The following DPP10 variants were observed in gnomAD, a reference collection of about 807,000 sequenced individuals.
DPP10 encodes inactive dipeptidyl peptidase 10.
A neutral mutation model predicts 120.9 loss-of-function variants in DPP10; 33 were observed. The ratio of observed to expected loss-of-function variants is 0.27; its 90% CI spans 0.21 to 0.37. DPP10 has a LOEUF of 0.37. Ranked by LOEUF, DPP10 falls within the 10% of genes least tolerant of loss-of-function variation. The pLI, the probability that DPP10 is intolerant of heterozygous loss-of-function variation, is 1.00. For missense variants in DPP10, 816 were observed against 942.8 expected (o/e 0.87, Z 1.76); for synonymous variants, 337 against 326.1 (o/e 1.03, Z -0.36).
At chr2:115,380,251 A>G (rs2066203482) in intron 3 of DPP10, among the ~76,000 whole-genome samples, 1 of 152,134 alleles carries the variant, frequency 6.6e-6, no homozygotes, top group Admixed American at 6.6e-5. Flanking sequence ...TTGGGTGCAT[A>G]TATATTTAGG....
chr2:114,514,712 T>C (rs953243174), intron 1 of DPP10, among the ~76,000 whole-genome samples: 1 of 151,724 alleles, frequency 6.6e-6, no homozygotes. Context: ...CCAGGATCCA[T>C]GTGCAGAATT....
chr2:115,301,686 G>A (rs970166939), intron 1 of DPP10, among the ~76,000 whole-genome samples: 8 of 151,870 alleles, frequency 5.3e-5, no homozygotes, highest in African/African-American at 1.9e-4. Context: ...GGAGGAATGA[G>A]GACCTGGAGC....
intron 1 of DPP10, among the ~76,000 whole-genome samples, chr2:114,698,741 C>T (rs931462356): frequency 1.3e-5 from 2 of 151,962 alleles, no homozygotes; most frequent in Admixed American, 6.6e-5. Context: ...TGAATAAATT[C>T]CAGAGAGCAA....
At chr2:114,658,361 G>A (rs1697119350) in intron 1 of DPP10, among the ~76,000 whole-genome samples, 1 of 152,150 alleles carries the variant, frequency 6.6e-6, no homozygotes, top group South Asian at 2.1e-4. Context: ...AAGCTGTCTT[G>A]GCTAAAAGAT....
chr2:115,416,602 T>C (rs1401669238), intron 3 of DPP10, among the ~76,000 whole-genome samples: 2 of 152,200 alleles, frequency 1.3e-5, no homozygotes, highest in African/African-American at 2.4e-5. Flanking sequence ...AAGCTTATAC[T>C]GAAGAGGAGG....
intron 5 of DPP10, among the ~76,000 whole-genome samples, chr2:115,640,947 T>G (rs565205243): frequency 6.6e-6 from 1 of 152,370 alleles, no homozygotes; most frequent in Non-Finnish European, 1.5e-5. Flanking sequence ...ACCAGATAAC[T>G]ATCATTCTTT....
intron 4 of DPP10, among the ~76,000 whole-genome samples, chr2:115,513,819 C>T (rs1456473231): frequency 6.6e-6 from 1 of 151,896 alleles, no homozygotes; most frequent in Non-Finnish European, 1.5e-5. Context: ...TTTATGTTTT[C>T]TTTCATAATA....
intron 1 of DPP10, among the ~76,000 whole-genome samples, chr2:114,662,237 GA>G (rs1316726632): frequency 1.3e-5 from 2 of 152,194 alleles, no homozygotes; most frequent in Admixed American, 6.5e-5. Flanking sequence ...GGGGAGACTG[GA>G]AAAGCAGACA....
intron 5 of DPP10, among the ~76,000 whole-genome samples, chr2:115,527,127 G>A (rs1168825697): frequency 6.6e-6 from 1 of 152,004 alleles, no homozygotes; most frequent in East Asian, 1.9e-4. Context: ...TAAAAAATCA[G>A]GTTTCAGGAG....
At chr2:114,916,389 G>A (rs995931030) in intron 1 of DPP10, among the ~76,000 whole-genome samples, 1 of 152,108 alleles carries the variant, frequency 6.6e-6, no homozygotes, top group South Asian at 2.1e-4. Flanking sequence ...AATTCTTCCA[G>A]ATGTATACAG....
At chr2:114,515,134 A>C (rs1201845137) in intron 1 of DPP10, among the ~76,000 whole-genome samples, 1 of 152,206 alleles carries the variant, frequency 6.6e-6, no homozygotes, top group African/African-American at 2.4e-5. Context: ...AGCATTTATC[A>C]CCAAGACAAT....
At chr2:114,578,911 A>C (rs7601426) in intron 1 of DPP10, among the ~76,000 whole-genome samples, 1,834 of 152,324 alleles carry the variant, frequency 0.012, 40 homozygotes, top group African/African-American at 0.041. Context: ...AATATTAGTG[A>C]ATTCCTTTGA....
chr2:115,192,661 C>A (rs1446341957), intron 1 of DPP10, among the ~76,000 whole-genome samples: 1 of 152,124 alleles, frequency 6.6e-6, no homozygotes, highest in African/African-American at 2.4e-5. Context: ...GATTTTTATA[C>A]CAGATAAGCT....
intron 1 of DPP10, among the ~76,000 whole-genome samples, chr2:114,730,249 T>C (rs1676763454): frequency 1.3e-5 from 2 of 152,208 alleles, no homozygotes; most frequent in African/African-American, 4.8e-5. Context: ...GAATAATTCA[T>C]GCCTGTTTTA....
At chr2:114,614,386 T>C (rs562303178) in intron 1 of DPP10, among the ~76,000 whole-genome samples, 1 of 152,304 alleles carries the variant, frequency 6.6e-6, no homozygotes, top group East Asian at 1.9e-4. Context: ...TAATCCAAAT[T>C]CCTAATGCTT....
chr2:115,029,303 GT>G (rs1209641784), intron 1 of DPP10, among the ~76,000 whole-genome samples: 1 of 151,826 alleles, frequency 6.6e-6, no homozygotes, highest in Non-Finnish European at 1.5e-5. Context: ...AATTATTACT[GT>G]TTTCGATAGA....
At chr2:115,625,162 A>G (rs751409687) in intron 5 of DPP10, among the ~76,000 whole-genome samples, 3 of 152,182 alleles carry the variant, frequency 2.0e-5, no homozygotes, top group Non-Finnish European at 4.4e-5. Flanking sequence ...AATGATGACC[A>G]TACCATATGG....
At position 115,042,424 on chromosome 2, in the gene DPP10, T is replaced by C. The variant is rs373669921; in HGVS notation, c.61-266815T>C. ...TGGGGTTTCAGGCACCCACCACCAC[T>C]GCTGGCTATTTTTTGTATTTTGAGT... On this transcript the variant is annotated intron_variant, in intron 1 of 25. Transcript: ENST00000410059. Among the ~76,000 whole-genome samples the C allele has an allele frequency of 5.3e-5, 8 of 152,260 alleles. No homozygotes were observed. The East Asian group carries it at 1.5e-3, about 29-fold the overall frequency.
chr2:114,676,553 G>A (rs890110511), intron 1 of DPP10, among the ~76,000 whole-genome samples: 1 of 152,084 alleles, frequency 6.6e-6, no homozygotes, highest in Non-Finnish European at 1.5e-5. Flanking sequence ...TGCCATTAAA[G>A]TAATGTCTAG....
Sources: allele counts gnomAD v4.1 joint callset (sites outside exome capture counted in the v4.1 genomes callset), GRCh38; gene constraint gnomAD v4.1.1; transcripts MANE v1.5; gene names NCBI Gene and HGNC (gene_info 2026-07-23, HGNC 2026-07-21).